Variants in BCAN observed in about 807,000 individuals in gnomAD.
BCAN encodes brevican core protein.
A neutral mutation model predicts 92.4 loss-of-function variants in BCAN; 51 were observed. The observed-to-expected ratio is 0.55, with a 90% CI of 0.44 to 0.70. The LOEUF is 0.70. Ranked by LOEUF, BCAN falls within the 30% of genes least tolerant of loss-of-function variation. The pLI, the probability that BCAN is intolerant of heterozygous loss-of-function variation, is 0.00. For synonymous variants in BCAN, 501 were observed against 505.2 expected, an observed-to-expected ratio of 0.99 and a Z score of 0.11; for missense variants, 1,140 against 1,212.1, an observed-to-expected ratio of 0.94 and a Z score of 0.88.
At position 156,647,151 on chromosome 1, in the gene BCAN, G is replaced by A. The variant is rs753300032; in HGVS notation, c.442G>A (p.Asp148Asn). 2 of 1,511,270 alleles carry A rather than the reference G, an allele frequency of 1.3e-6. No individual in the cohort carries two copies. Among genetic ancestry groups the A allele is most frequent in the Non-Finnish European group, 1.8e-6 (2 of 1,112,918 alleles). 93.6% of individuals were successfully genotyped at this position (1,511,270 alleles called of 1,614,324 possible). A position where few individuals can be genotyped will look rare whatever the true frequency, so the allele number is the denominator to read the frequency against. Residue 148 changes from aspartate to asparagine, a missense_variant, in exon 3 of 14, where the codon GAC (aspartate) becomes AAC (asparagine). Asp to Asn is a conservative substitution (Grantham distance 23). Transcript: ENST00000329117. The surrounding 1 kb of genome is among the most constrained non-coding windows in gnomAD (Gnocchi z 4.8). Reference protein sequence around the residue: ...EVQHGIDDSSDAVEVKVKGVV... With the variant: ...EVQHGIDDSSNAVEVKVKGVV... ...CCAGCACGGCATCGATGACAGCAGC[G>A]ACGCTGTGGAGGTCAAGGTCAAAGG...
At position 156,651,746 on chromosome 1, in the gene BCAN, G is replaced by A. The variant is rs1312171172; in HGVS notation, c.1297+57G>A. 2.7e-6 allele frequency: 4 copies of A among 1,472,496 alleles called. No homozygotes were observed. The African/African-American group carries it at 4.2e-5, about 15-fold the overall frequency. The allele number at this position is 1,472,496 out of a possible 1,614,324, so 91.2% of individuals were successfully genotyped here. A position where few individuals can be genotyped will look rare whatever the true frequency, so the allele number is the denominator to read the frequency against. The stretch of plus-strand genomic sequence containing the variant: ...TGATTGAAAGAAGTTGGGGGCAGAA[G>A]AGGCAAGCCCAGGTTGATGCTAGGG... On this transcript the variant is annotated intron_variant, in intron 7 of 13. Transcript: ENST00000329117.
intron 2 of BCAN, 83 bp from the exon 3 acceptor site, chr1:156,646,718 T>C (rs1678984702): frequency 6.7e-7 from 1 of 1,495,558 alleles, no homozygotes; most frequent in Non-Finnish European, 8.9e-7. Context: ...GAAGGAGGGA[T>C]CCTGGAGCGG....
chr1:156,655,957 T>C (rs1000147163), intron 8 of BCAN, among the ~76,000 whole-genome samples: 3 of 152,222 alleles, frequency 2.0e-5, no homozygotes, highest in Non-Finnish European at 2.9e-5. Context: ...CTGTGCCCAG[T>C]ATCTTTCTCC....
rs1678993947 is a variant in BCAN at position 156,646,855 on chromosome 1, T to C, written c.146T>C (p.Leu49Pro). The change falls in exon 3 of 14, where the codon CTC (leucine) becomes CCC (proline). Residue 49 changes from leucine to proline, a missense_variant. Leu to Pro is a moderately conservative substitution (Grantham distance 98, BLOSUM62 -3). This residue lies in a region of BCAN where 286 missense variants were observed against 284.1 expected (regional missense o/e 1.01). Coordinates refer to ENST00000329117, the MANE Select transcript of BCAN (RefSeq NM_021948.5). ...IAGDAPLQGV[L>P]GGALTIPCHV... is the part of the protein sequence containing the mutation. ...GGCGACGCGCCACTGCAGGGCGTGC[T>C]CGGCGGCGCCCTCACCATCCCTTGC... 2 of 1,606,202 alleles carry C rather than the reference T, an allele frequency of 1.2e-6. No homozygotes were observed. The highest frequency in any genetic ancestry group is 1.7e-6 in the Non-Finnish European group (2 of 1,176,266).
Position 156,658,075 on chromosome 1 carries a change from C to T in BCAN, c.2293-52C>T, listed in dbSNP as rs1372003896. ...CTCCTCCCCAGATCCTCTAGGCCCT[C>T]TCCCGGTGCTCCTGGTGTAGGAGCT... On this transcript the variant is annotated intron_variant, in intron 11 of 13. Transcript: ENST00000329117. This position sits in a 1 kb window ranked among gnomAD's most constrained non-coding sequence, Gnocchi z 4.4. 3 of 1,593,156 alleles carry T rather than the reference C, an allele frequency of 1.9e-6. No individual in the cohort carries two copies. Among genetic ancestry groups the T allele is most frequent in the African/African-American group, 2.7e-5 (2 of 74,594 alleles).
Position 156,656,696 on chromosome 1 carries a change from G to C in BCAN, c.2051-242G>C, listed in dbSNP as rs1455603256. ...CACTGCTCGTTAGGATGGAGACCCA[G>C]GCCGGAACTCCATCCCTCACCCTGG... On this transcript the variant is annotated intron_variant, in intron 9 of 13. Coordinates refer to ENST00000329117, the MANE Select transcript of BCAN (RefSeq NM_021948.5). The C allele has an allele frequency of 1.1e-5, 6 of 567,738 alleles. No individual in the cohort carries two copies. The East Asian group carries it at 1.4e-4, about 14-fold the overall frequency. 35.2% of individuals were successfully genotyped at this position (567,738 alleles called of 1,614,324 possible).
At chr1:156,649,857 A>G in intron 6 of BCAN, 2 of 518,720 alleles carry the variant, frequency 3.9e-6, no homozygotes, top group African/African-American at 1.9e-5. Context: ...TACTGTTACA[A>G]GAGCTGGAAG....
At chr1:156,649,821 G>T in intron 6 of BCAN, 1 of 516,422 alleles carries the variant, frequency 1.9e-6, no homozygotes, top group Non-Finnish European at 3.9e-6. Flanking sequence ...CGGTGTCTCG[G>T]TCCTTCCCCA....
Position 156,647,208 on chromosome 1 carries a change from G to T in BCAN, c.466+33G>T. 6.8e-7 allele frequency: 1 copy of T among 1,473,542 alleles called. No individual in the cohort carries two copies. Among genetic ancestry groups the T allele is most frequent in the South Asian group, 1.4e-5 (1 of 72,308 alleles). 91.3% of individuals were successfully genotyped at this position (1,473,542 alleles called of 1,614,324 possible). On this transcript the variant is annotated intron_variant, in intron 3 of 13. Transcript: ENST00000329117. This position sits in a 1 kb window ranked among gnomAD's most constrained non-coding sequence, Gnocchi z 4.8. The stretch of plus-strand genomic sequence containing the variant: ...GGCAGGGAGGTTCCAGAGGGAGGGA[G>T]GGAGGGAGGGAAGGGAGGACTCTTG...
At position 156,657,143 on chromosome 1, in the gene BCAN, C is replaced by T. The variant is rs780391342; in HGVS notation, c.2209+47C>T. 12 of 1,591,102 alleles carry T rather than the reference C, an allele frequency of 7.5e-6. No individual in the cohort carries two copies. The South Asian group carries it at 1.3e-4, about 18-fold the overall frequency. On this transcript the variant is annotated intron_variant, in intron 10 of 13. Coordinates refer to ENST00000329117, the MANE Select transcript of BCAN (RefSeq NM_021948.5). ...GAGGGGCCCCTGCCATATGCTCTCA[C>T]TCTCTCTCACTCGCCTAACCGCCTT...
intron 8 of BCAN, among the ~76,000 whole-genome samples, chr1:156,656,008 C>T (rs967245132): frequency 6.6e-6 from 1 of 152,192 alleles, no homozygotes; most frequent in Non-Finnish European, 1.5e-5. Context: ...AGCCTCTTCT[C>T]CCCAGCCCCT....
At position 156,652,385 on chromosome 1, in the gene BCAN, C is replaced by CT; in HGVS notation, c.1436dup (p.Trp480ValfsTer13). The CT allele has an allele frequency of 6.2e-7, 1 of 1,610,972 alleles. No homozygotes were observed. Among genetic ancestry groups the CT allele is most frequent in the South Asian group, 1.1e-5 (1 of 90,716 alleles). On this transcript the variant is annotated frameshift_variant, in exon 8 of 14. Transcript: ENST00000329117. LOFTEE classifies it high-confidence loss of function. ...AGAGGAGGAGGTGGAGGATGAGGCT[C>CT]TGTGGGCATGGCCCAGCGAGCTCAG...
intron 10 of BCAN, 68 bp from the exon 11 acceptor site, chr1:156,657,607 C>G: frequency 7.3e-7 from 1 of 1,372,478 alleles, no homozygotes; most frequent in Non-Finnish European, 1.0e-6. Context: ...CACCGCAGAC[C>G]GCCCGGGAGC....
chr1:156,650,848 C>T (rs1051946877), intron 6 of BCAN, among the ~76,000 whole-genome samples: 10 of 152,210 alleles, frequency 6.6e-5, no homozygotes, highest in South Asian at 2.1e-4. Flanking sequence ...GAGGCTGAGA[C>T]GGGAGAACCG....
chr1:156,658,527 C>T lies in BCAN; in HGVS notation c.2438-16C>T, dbSNP rs745654052. 6.2e-6 allele frequency: 10 copies of T among 1,607,770 alleles called. No individual in the cohort carries two copies. Among genetic ancestry groups the T allele is most frequent in the Non-Finnish European group, 8.5e-6 (10 of 1,175,396 alleles). On this transcript the variant is annotated splice_polypyrimidine_tract_variant and intron_variant, in intron 12 of 13. Coordinates refer to ENST00000329117, the MANE Select transcript of BCAN (RefSeq NM_021948.5). The surrounding 1 kb of genome is among the most constrained non-coding windows in gnomAD (Gnocchi z 4.4). ...CCACAGAGCCAGGCTCAGTTCCTAA[C>T]TGTCTTCCTTTGCAGTGTCCTGTGG...
At chr1:156,656,251 TC>T (rs749889859) in intron 8 of BCAN, 30 bp from the exon 9 acceptor site, 18 of 1,421,064 alleles carry the variant, frequency 1.3e-5, no homozygotes, top group South Asian at 1.1e-4. Context: ...GCTGCCTCGC[TC>T]CCCCCGCCTC....
chr1:156,651,753 G>T, intron 7 of BCAN, 64 bp downstream of exon 7: 1 of 1,432,634 alleles, frequency 7.0e-7, no homozygotes, highest in Non-Finnish European at 9.5e-7. Flanking sequence ...GAAGAGGCAA[G>T]CCCAGGTTGA....
chr1:156,651,483 A>G lies in BCAN; in HGVS notation c.1091A>G (p.Glu364Gly). Reference sequence around the variant, plus strand: ...TCGGCCCAGCCTTCTGCCATCCCTGAGGCCTCCAACCCAGCCTCCAACCCA... The same window carrying G: ...TCGGCCCAGCCTTCTGCCATCCCTGGGGCCTCCAACCCAGCCTCCAACCCA... ...RDSAQPSAIP[E>G]ASNPASNPAS... The change falls in exon 7 of 14, where the codon GAG becomes GGG. Residue 364 changes from glutamate to glycine, a missense_variant. Around this residue, in one of 3 missense-constraint regions of BCAN, gnomAD observed 825 missense variants for 871.8 expected, o/e 0.95. Coordinates refer to ENST00000329117, the MANE Select transcript of BCAN (RefSeq NM_021948.5). The G allele has an allele frequency of 6.2e-7, 1 of 1,613,968 alleles. No homozygotes were observed. Among genetic ancestry groups the G allele is most frequent in the Non-Finnish European group, 8.5e-7 (1 of 1,180,002 alleles).
At chr1:156,651,305 A>C in intron 6 of BCAN, 151 bp from the exon 7 acceptor site, 1 of 727,256 alleles carries the variant, frequency 1.4e-6, no homozygotes, top group Non-Finnish European at 2.3e-6. Flanking sequence ...TTGAGAAATG[A>C]GTGACGAAGT....
Sources: gnomAD v4.1 joint callset for allele counts (sites outside exome capture counted in the v4.1 genomes callset) on GRCh38, gnomAD v4.1.1 for gene constraint, gnomAD v4.1.1 regional missense constraint, Gnocchi (gnomAD v3.1) non-coding constraint, MANE v1.5 for transcripts, NCBI Gene and HGNC (gene_info 2026-07-23, HGNC 2026-07-21) for gene names.